BLM: variants seen among roughly 807,000 people sequenced by gnomAD.
The protein encoded by BLM is recQ-like DNA helicase BLM.
In BLM, 95 loss-of-function variants were observed where a neutral mutation model predicts 135.3. The ratio of observed to expected loss-of-function variants is 0.70; its 90% confidence interval spans 0.59 to 0.83. BLM has a LOEUF of 0.83. Ranked by LOEUF, BLM falls within the 40% of genes least tolerant of loss-of-function variation. The pLI is 0.00. For synonymous variants in BLM, 520 were observed against 589.2 expected (o/e 0.88, Z 1.70); for missense variants, 1,518 against 1,663.9 (o/e 0.91, Z 1.53).
chr15:90,754,809 A>C lies in BLM; in HGVS notation c.960-2A>C, dbSNP rs1286600850. On this transcript the variant is annotated splice_acceptor_variant, in intron 4 of 21. Coordinates refer to ENST00000355112, the MANE Select transcript of BLM (RefSeq NM_000057.4). LOFTEE classifies it high-confidence loss of function. Reference sequence around the variant, plus strand: ...TTGGCTTAACATTTTTTTTATTTGCAGTACGTTAAAGGACCTTGACACCTC... The same window carrying C: ...TTGGCTTAACATTTTTTTTATTTGCCGTACGTTAAAGGACCTTGACACCTC... 1 of 1,613,430 alleles carries C rather than the reference A, an allele frequency of 6.2e-7. No homozygotes were observed. The highest frequency in any genetic ancestry group is 2.2e-5 in the East Asian group (1 of 44,866).
chr15:90,810,481 G>C (rs1265957057), intron 20 of BLM, among the ~76,000 whole-genome samples: 1 of 152,218 alleles, frequency 6.6e-6, no homozygotes, highest in Admixed American at 6.5e-5. Flanking sequence ...TGCTCCTGTA[G>C]GGTGGCCTGT....
intron 18 of BLM, 152 bp from the exon 19 acceptor site, chr15:90,804,015 G>C: frequency 1.4e-6 from 1 of 736,472 alleles, no homozygotes; most frequent in Non-Finnish European, 2.3e-6. Flanking sequence ...TACAAAGATG[G>C]AGAATGCACA....
rs988984153 is a variant in BLM at position 90,769,243 on chromosome 15, T to C, written c.2406+12T>C. On this transcript the variant is annotated intron_variant, in intron 11 of 21. Coordinates refer to ENST00000355112, the MANE Select transcript of BLM (RefSeq NM_000057.4). The stretch of plus-strand genomic sequence containing the variant: ...ATTGTGTCAGTCAGGTAAATACTGT[T>C]TTTTATATCCGGAAATACCGATAAA... 1.9e-6 allele frequency: 3 copies of C among 1,595,216 alleles called. No homozygotes were observed. The highest frequency in any genetic ancestry group is 2.6e-6 in the Non-Finnish European group (3 of 1,162,900).
At chr15:90,794,845 A>G (rs1290950049) in intron 16 of BLM, among the ~76,000 whole-genome samples, 2 of 151,348 alleles carry the variant, frequency 1.3e-5, no homozygotes, top group African/African-American at 4.8e-5. Context: ...TAACTAGTGT[A>G]CCGTATGTTT....
chr15:90,793,624 A>G lies in BLM; in HGVS notation c.3020-543A>G, dbSNP rs28385097. Among the ~76,000 whole-genome samples the G allele has an allele frequency of 2.6e-5, 4 of 152,354 alleles. No individual in the cohort carries two copies. In the East Asian group the frequency reaches 5.8e-4, roughly 22 times the overall value. On this transcript the variant is annotated intron_variant, in intron 15 of 21. Transcript: ENST00000355112. ...CAAAGATGAGATATTGCTAATAGGA[A>G]TGTAGCACAATCTAATGTTAATACC... is the stretch of plus-strand genomic sequence containing the variant.
Position 90,815,306 on chromosome 15 carries a change from C to T in BLM, c.*27C>T, listed in dbSNP as rs756815879. The T allele has an allele frequency of 6.2e-7, 1 of 1,607,362 alleles. No homozygotes were observed. The highest frequency in any genetic ancestry group is 8.5e-7 in the Non-Finnish European group (1 of 1,173,974). On this transcript the variant is annotated 3_prime_UTR_variant, in exon 22 of 22. Coordinates refer to ENST00000355112, the MANE Select transcript of BLM (RefSeq NM_000057.4). The surrounding 1 kb of genome is among the most constrained non-coding windows in gnomAD (Gnocchi z 4.6). ...AACCGAATCTCAATGTACATAGACC[C>T]TCTTTCTTGTTTGTCAGCATCTGAC...
At position 90,790,477 on chromosome 15, in the gene BLM, A is replaced by T. The variant is rs932208069; in HGVS notation, c.2824-172A>T. The T allele has an allele frequency of 9.1e-6, 6 of 655,750 alleles. 1 individual carries two copies. Among genetic ancestry groups the T allele is most frequent in the Non-Finnish European group, 1.3e-5 (5 of 383,314 alleles). The allele number at this position is 655,750 out of a possible 1,614,324, so 40.6% of individuals were successfully genotyped here. ...TAATGGCATTGCAAGTTATCAGTAT[A>T]AAAACTCATATTAGTTATACTAAAT... On this transcript the variant is annotated intron_variant, in intron 14 of 21. Transcript: ENST00000355112.
chr15:90,804,334 T>C lies in BLM; in HGVS notation c.3726T>C (p.Asn1242=), dbSNP rs1567063258. ...VFGVHYFNIF[N]TVTLKKLAES... ...GTGTCCATTACTTCAATATTTTTAA[T>C]ACCGTCACTCTCAAGAAGCTTGCAG... Residue 1242 remains asparagine, a synonymous_variant, in exon 19 of 22, where the codon AAT becomes AAC. Coordinates refer to ENST00000355112, the MANE Select transcript of BLM (RefSeq NM_000057.4). 3 of 1,614,148 alleles carry C rather than the reference T, an allele frequency of 1.9e-6. No individual in the cohort carries two copies. Among genetic ancestry groups the C allele is most frequent in the African/African-American group, 1.3e-5 (1 of 75,066 alleles).
At chr15:90,802,891 T>C (rs944609666) in intron 17 of BLM, among the ~76,000 whole-genome samples, 6 of 152,194 alleles carry the variant, frequency 3.9e-5, no homozygotes, top group African/African-American at 1.4e-4. Context: ...TGTGCTTACT[T>C]CACACTGTAT....
At chr15:90,731,881 G>A (rs1895078516) in intron 1 of BLM, among the ~76,000 whole-genome samples, 1 of 151,538 alleles carries the variant, frequency 6.6e-6, no homozygotes, top group South Asian at 2.1e-4. Context: ...TGTATTTTTG[G>A]TAGAGATGAG....
At position 90,796,384 on chromosome 15, in the gene BLM, G is replaced by A. The variant is rs28385114; in HGVS notation, c.3211-1806G>A. Reference sequence around the variant, plus strand: ...TATGAAATAGTTGTCTAGGACAGGGGTCAGTAAACTTGCTTTTAAAGGGCC... The same window carrying A: ...TATGAAATAGTTGTCTAGGACAGGGATCAGTAAACTTGCTTTTAAAGGGCC... On this transcript the variant is annotated intron_variant, in intron 16 of 21. Transcript: ENST00000355112. Among the ~76,000 whole-genome samples, 163 of 152,300 alleles carry A rather than the reference G, an allele frequency of 1.1e-3. 1 individual carries two copies. Among genetic ancestry groups the A allele is most frequent in the African/African-American group, 3.8e-3 (156 of 41,578 alleles).
intron 10 of BLM, among the ~76,000 whole-genome samples, chr15:90,768,889 G>A (rs765330055): frequency 4.6e-5 from 7 of 152,104 alleles, no homozygotes; most frequent in Non-Finnish European, 8.8e-5. Context: ...ACCACGCCCG[G>A]CTAATTTTGT....
At chr15:90,802,589 T>C (rs1897189175) in intron 17 of BLM, among the ~76,000 whole-genome samples, 1 of 152,196 alleles carries the variant, frequency 6.6e-6, no homozygotes, top group Non-Finnish European at 1.5e-5. Context: ...ACTTGGATTA[T>C]AAACTAGTAG....
intron 12 of BLM, among the ~76,000 whole-genome samples, chr15:90,776,243 A>T (rs1395545287): frequency 2.6e-5 from 4 of 152,194 alleles, no homozygotes; most frequent in African/African-American, 9.6e-5. Context: ...AATTTGTGGT[A>T]AGCAAAGAAT....
Position 90,728,625 on chromosome 15 carries a change from C to T in BLM, c.-5+11185C>T, listed in dbSNP as rs1011374716. 4.0e-5 allele frequency among the ~76,000 whole-genome samples: 6 copies of T among 151,582 alleles called. 1 individual carries two copies. The East Asian group carries it at 7.9e-4, about 20-fold the overall frequency. Reference sequence around the variant, plus strand: ...TTCACCATGTTGGCCAGGCTGGTCTCGAACTCCTGACCTCAAATGATCCAC... The same window carrying T: ...TTCACCATGTTGGCCAGGCTGGTCTTGAACTCCTGACCTCAAATGATCCAC... On this transcript the variant is annotated intron_variant, in intron 1 of 21. Coordinates refer to ENST00000355112, the MANE Select transcript of BLM (RefSeq NM_000057.4).
At chr15:90,794,809 T>C (rs1896992138) in intron 16 of BLM, among the ~76,000 whole-genome samples, 2 of 127,118 alleles carry the variant, frequency 1.6e-5, no homozygotes, top group Admixed American at 7.4e-5. Flanking sequence ...ATTAATATAC[T>C]AAAAATCTCA....
intron 8 of BLM, among the ~76,000 whole-genome samples, chr15:90,764,807 C>T (rs192292691): frequency 3.9e-5 from 6 of 152,226 alleles, no homozygotes; most frequent in African/African-American, 1.2e-4. Context: ...CTAGGCCGGG[C>T]GCAGTGGCTT....
At chr15:90,809,799 C>G (rs9282612) in intron 20 of BLM, among the ~76,000 whole-genome samples, 23,470 of 152,162 alleles carry the variant, frequency 0.15, 1,927 homozygotes, top group Non-Finnish European at 0.19. Context: ...TTAGGCCTGT[C>G]CTGTGGCACT....
At chr15:90,750,750 A>G (rs1895659263) in intron 3 of BLM, among the ~76,000 whole-genome samples, 1 of 152,366 alleles carries the variant, frequency 6.6e-6, no homozygotes, top group African/African-American at 2.4e-5. Context: ...GAATATTGTT[A>G]TAATTGTGCT....
Sources: gnomAD v4.1 joint callset for allele counts (sites outside exome capture counted in the v4.1 genomes callset) on GRCh38, gnomAD v4.1.1 for gene constraint, Gnocchi (gnomAD v3.1) non-coding constraint, MANE v1.5 for transcripts, NCBI Gene and HGNC (gene_info 2026-07-23, HGNC 2026-07-21) for gene names.